Variants in NUDT18 observed in about 807,000 individuals in gnomAD.
The protein encoded by NUDT18 is 8-oxo-dGDP phosphatase NUDT18.
NUDT18 carries 26 observed loss-of-function variants against 27.6 expected under a neutral mutation model. The observed-to-expected ratio is 0.94, with a 90% CI of 0.69 to 1.31. The LOEUF (loss-of-function observed/expected upper bound fraction) is 1.31. Among genes scored for constraint, NUDT18 ranks in the 50% most tolerant of loss-of-function variants. The pLI is 0.00. For missense variants in NUDT18, 450 were observed against 433.4 expected, an observed-to-expected ratio of 1.04 and a Z score of -0.34; for synonymous variants, 220 against 196.9, an observed-to-expected ratio of 1.12 and a Z score of -0.98.
chr8:22,109,769 C>A (rs1216422985), upstream of NUDT18: 1 of 455,982 alleles, frequency 2.2e-6, no homozygotes, highest in Admixed American at 2.4e-5. Flanking sequence ...CCGGTGACGT[C>A]ACGGAGGCCC....
Position 22,109,392 on chromosome 8 carries a change from C to CTGCGGAGCCCGCTCCCAGTCCA in NUDT18, c.-93_-92insTGGACTGGGAGCGGGCTCCGCA. On this transcript the variant is annotated 5_prime_UTR_variant, in exon 1 of 3. It adds an upstream start codon to the 5' untranslated region. Coordinates refer to ENST00000611621, the MANE Select transcript of NUDT18 (RefSeq NM_024815.4). ...GCGCTGCGGAGCCCGCTCCCAGTCCCTGCGGCAGCGGGCCGGGAGCTCACG... is the reference window on the plus strand; with the variant it reads ...GCGCTGCGGAGCCCGCTCCCAGTCCCTGCGGAGCCCGCTCCCAGTCCATGCGGCAGCGGGCCGGGAGCTCACG... 8.1e-7 allele frequency: 1 copy of CTGCGGAGCCCGCTCCCAGTCCA among 1,227,770 alleles called. No individual in the cohort carries two copies. Among genetic ancestry groups the CTGCGGAGCCCGCTCCCAGTCCA allele is most frequent in the Non-Finnish European group, 1.0e-6 (1 of 954,116 alleles). The allele number at this position is 1,227,770 out of a possible 1,614,324, so 76.1% of individuals were successfully genotyped here. A position where few individuals can be genotyped will look rare whatever the true frequency, so the allele number is the denominator to read the frequency against.
In NUDT18 at chr8:22,107,901, G is replaced by A; in HGVS notation, c.377-6C>T. On this transcript the variant is annotated splice_region_variant and splice_polypyrimidine_tract_variant and intron_variant, in intron 2 of 2. Coordinates refer to ENST00000611621, the MANE Select transcript of NUDT18 (RefSeq NM_024815.4). Reference sequence around the variant, plus strand: ...GGAAGTCTTGAGAATTCCACCTGGGGGAGATGTGGGGGATGGGGCAGGGAG... The same window carrying A: ...GGAAGTCTTGAGAATTCCACCTGGGAGAGATGTGGGGGATGGGGCAGGGAG... 6.4e-7 allele frequency: 1 copy of A among 1,563,782 alleles called. No homozygotes were observed. Among genetic ancestry groups the A allele is most frequent in the Non-Finnish European group, 8.7e-7 (1 of 1,151,924 alleles).
At chr8:22,109,931 C>G (rs1042565760), upstream of NUDT18, 9 of 327,342 alleles carry the variant, frequency 2.7e-5, no homozygotes, top group Non-Finnish European at 5.5e-5. Flanking sequence ...AAACCCCTGC[C>G]TTGAAGGAGA....
intron 1 of NUDT18, 95 bp from the exon 2 acceptor site, chr8:22,108,441 G>A: frequency 8.9e-7 from 1 of 1,120,782 alleles, no homozygotes; most frequent in Non-Finnish European, 1.3e-6. Context: ...ACTCCCCTCT[G>A]GGTGGACACT....
In NUDT18 at chr8:22,109,158, G is replaced by C; in HGVS notation, c.143C>G (p.Ala48Gly). The C allele has an allele frequency of 6.9e-6, 10 of 1,452,524 alleles. No homozygotes were observed. Among genetic ancestry groups the C allele is most frequent in the Non-Finnish European group, 9.0e-6 (10 of 1,113,860 alleles). The allele number at this position is 1,452,524 out of a possible 1,614,324, so 90.0% of individuals were successfully genotyped here. ...LRKNVCYVVL[A>G]VFLSEQDEVL... ...GCTCACCTGCTCGCTGAGGAACACG[G>C]CCAGCACCACGTAGCACACGTTCTT... The change falls in exon 1 of 3, where the codon GCC (alanine) becomes GGC (glycine). Residue 48 changes from alanine (A) to glycine (G), a missense_variant. Transcript: ENST00000611621.
At position 22,107,262 on chromosome 8, in the gene NUDT18, G is replaced by C. The variant is rs1226226415; in HGVS notation, c.*38C>G. On this transcript the variant is annotated 3_prime_UTR_variant, in exon 3 of 3. Transcript: ENST00000611621. Reference sequence around the variant, plus strand: ...GGGAGACAAGTCCGCACTGGAGGGAGCACGGCTGCCTAGCTCCCTGTCACC... The same window carrying C: ...GGGAGACAAGTCCGCACTGGAGGGACCACGGCTGCCTAGCTCCCTGTCACC... The C allele has an allele frequency of 1.8e-5, 26 of 1,477,964 alleles. No homozygotes were observed. Among genetic ancestry groups the C allele is most frequent in the Non-Finnish European group, 2.4e-5 (26 of 1,094,584 alleles). The allele number at this position is 1,477,964 out of a possible 1,614,324, so 91.6% of individuals were successfully genotyped here. A position where few individuals can be genotyped will look rare whatever the true frequency, so the allele number is the denominator to read the frequency against.
rs1826426199 is a variant in NUDT18 at position 22,109,358 on chromosome 8, G to A, written c.-58C>T. The stretch of plus-strand genomic sequence containing the variant: ...CGCAGACCGACTGAGCCGAGCCGCG[G>A]GCTAGAGTGCGCTGCGGAGCCCGCT... On this transcript the variant is annotated 5_prime_UTR_variant, in exon 1 of 3. Coordinates refer to ENST00000611621, the MANE Select transcript of NUDT18 (RefSeq NM_024815.4). The A allele has an allele frequency of 1.5e-6, 1 of 665,460 alleles. No individual in the cohort carries two copies. The highest frequency in any genetic ancestry group is 6.6e-4 in the Middle Eastern group (1 of 1,510). 41.2% of individuals were successfully genotyped at this position (665,460 alleles called of 1,614,324 possible).
Position 22,109,325 on chromosome 8 carries a change from C to G in NUDT18, c.-25G>C, listed in dbSNP as rs371618895. 3.0e-6 allele frequency: 4 copies of G among 1,329,750 alleles called. No individual in the cohort carries two copies. The highest frequency in any genetic ancestry group is 2.9e-6 in the Non-Finnish European group (3 of 1,049,722). The allele number at this position is 1,329,750 out of a possible 1,614,324, so 82.4% of individuals were successfully genotyped here. A position where few individuals can be genotyped will look rare whatever the true frequency, so the allele number is the denominator to read the frequency against. On this transcript the variant is annotated 5_prime_UTR_variant, in exon 1 of 3. Transcript: ENST00000611621. ...TCGGGTCCCCCGGGGGGCGGCGGGC[C>G]GGATCCTCGCAGACCGACTGAGCCG...
In NUDT18 at chr8:22,107,866, C is replaced by CG. The variant is rs1826395539; in HGVS notation, c.405dup (p.Asp136ArgfsTer23). 1 of 1,594,298 alleles carries CG rather than the reference C, an allele frequency of 6.3e-7. No homozygotes were observed. Among genetic ancestry groups the CG allele is most frequent in the African/African-American group, 1.3e-5 (1 of 74,664 alleles). On this transcript the variant is annotated frameshift_variant, in exon 3 of 3. Transcript: ENST00000611621. LOFTEE classifies it high-confidence loss of function. The stretch of plus-strand genomic sequence containing the variant: ...CAGGCAGCCTGCAGGGACTCCGCAT[C>CG]GGCCTCCTTGGAAGTCTTGAGAATT...
Position 22,109,251 on chromosome 8 carries a change from T to C in NUDT18, c.50A>G (p.Gln17Arg), listed in dbSNP as rs1159807319. 4.2e-6 allele frequency: 6 copies of C among 1,415,380 alleles called. No individual in the cohort carries two copies. In the South Asian group the frequency reaches 8.8e-5, roughly 21 times the overall value. The allele number at this position is 1,415,380 out of a possible 1,614,324, so 87.7% of individuals were successfully genotyped here. ...GTCGCAGCTGTGCACGCTGGACCCC[T>C]GGCCAGCCAGCACGGAAGCCAGCGC... ...AGALASVLAG[Q>R]GSSVHSCDSA... Residue 17 changes from glutamine to arginine, a missense_variant, in exon 1 of 3, where the codon CAG becomes CGG. Physicochemically the swap from Gln to Arg is conservative, Grantham distance 43. Transcript: ENST00000611621.
chr8:22,109,830 G>T (rs1176990443), upstream of NUDT18: 2 of 441,424 alleles, frequency 4.5e-6, no homozygotes, highest in Admixed American at 2.5e-5. Context: ...ACACACAATG[G>T]CATTGCCGGA....
rs947701711 is a variant in NUDT18 at position 22,106,930 on chromosome 8, C to T, written c.*370G>A. The T allele has an allele frequency of 5.3e-6, 1 of 189,276 alleles. No homozygotes were observed. The highest frequency in any genetic ancestry group is 2.3e-5 in the African/African-American group (1 of 42,770). 11.7% of individuals were successfully genotyped at this position (189,276 alleles called of 1,614,324 possible). A position where few individuals can be genotyped will look rare whatever the true frequency, so the allele number is the denominator to read the frequency against. On this transcript the variant is annotated 3_prime_UTR_variant, in exon 3 of 3. Transcript: ENST00000611621. The stretch of plus-strand genomic sequence containing the variant: ...TGCTCCTCCCTCGGGGGACCTTCCC[C>T]AGTGCCCCTCCATGCTCGAAGGGCC...
At position 22,109,369 on chromosome 8, in the gene NUDT18, G is replaced by GCTGCGGAGTCCGCTCCCAGTCC; in HGVS notation, c.-70_-69insGGACTGGGAGCGGACTCCGCAG. ...TGAGCCGAGCCGCGGGCTAGAGTGC[G>GCTGCGGAGTCCGCTCCCAGTCC]CTGCGGAGCCCGCTCCCAGTCCCTG... On this transcript the variant is annotated 5_prime_UTR_variant, in exon 1 of 3. Transcript: ENST00000611621. The GCTGCGGAGTCCGCTCCCAGTCC allele has an allele frequency of 1.4e-6, 1 of 712,744 alleles. No homozygotes were observed. The highest frequency in any genetic ancestry group is 1.8e-6 in the Non-Finnish European group (1 of 557,184). The allele number at this position is 712,744 out of a possible 1,614,324, so 44.2% of individuals were successfully genotyped here.
At position 22,109,403 on chromosome 8, in the gene NUDT18, G is replaced by C. The variant is rs982181936; in HGVS notation, c.-103C>G. ...CCCGCTCCCAGTCCCTGCGGCAGCG[G>C]GCCGGGAGCTCACGAGAACGCGGAA... On this transcript the variant is annotated 5_prime_UTR_variant, in exon 1 of 3. Coordinates refer to ENST00000611621, the MANE Select transcript of NUDT18 (RefSeq NM_024815.4). 63 of 1,137,902 alleles carry C rather than the reference G, an allele frequency of 5.5e-5. No homozygotes were observed. The highest frequency in any genetic ancestry group is 6.8e-5 in the Non-Finnish European group (59 of 869,658). 70.5% of individuals were successfully genotyped at this position (1,137,902 alleles called of 1,614,324 possible). A position where few individuals can be genotyped will look rare whatever the true frequency, so the allele number is the denominator to read the frequency against.
At chr8:22,109,530 G>C (rs2131742479), upstream of NUDT18, 2 of 463,802 alleles carry the variant, frequency 4.3e-6, no homozygotes, top group South Asian at 2.5e-5. Context: ...CACCGAGGGG[G>C]CGGGGCCGCC....
chr8:22,108,716 T>C (rs1372614566), intron 1 of NUDT18, among the ~76,000 whole-genome samples: 1 of 152,194 alleles, frequency 6.6e-6, no homozygotes, highest in African/African-American at 2.4e-5. Context: ...CTGTGATGGG[T>C]CCTCACACTG....
rs1826375839 is a variant in NUDT18 at position 22,107,032 on chromosome 8, G to A, written c.*268C>T. 2.3e-6 allele frequency: 1 copy of A among 431,190 alleles called. No homozygotes were observed. Among genetic ancestry groups the A allele is most frequent in the Non-Finnish European group, 4.2e-6 (1 of 239,058 alleles). The allele number at this position is 431,190 out of a possible 1,614,324, so 26.7% of individuals were successfully genotyped here. A position where few individuals can be genotyped will look rare whatever the true frequency, so the allele number is the denominator to read the frequency against. ...GGAGATGCCACTGGGGGTGCAGAAA[G>A]CTCCCCATCCCCCTGGGAAGAGGCG... On this transcript the variant is annotated 3_prime_UTR_variant, in exon 3 of 3. Coordinates refer to ENST00000611621, the MANE Select transcript of NUDT18 (RefSeq NM_024815.4).
chr8:22,107,908 TG>T lies in NUDT18; in HGVS notation c.377-14del. 1 of 1,554,352 alleles carries T rather than the reference TG, an allele frequency of 6.4e-7. No individual in the cohort carries two copies. The highest frequency in any genetic ancestry group is 8.7e-7 in the Non-Finnish European group (1 of 1,145,630). Reference sequence around the variant, plus strand: ...TTGAGAATTCCACCTGGGGGAGATGTGGGGGATGGGGCAGGGAGGGTCTGTG... The same window carrying T: ...TTGAGAATTCCACCTGGGGGAGATGTGGGGATGGGGCAGGGAGGGTCTGTG... On this transcript the variant is annotated splice_polypyrimidine_tract_variant and intron_variant, in intron 2 of 2. Transcript: ENST00000611621.
At position 22,107,750 on chromosome 8, in the gene NUDT18, C is replaced by T; in HGVS notation, c.522G>A (p.Arg174=). 3 of 1,613,640 alleles carry T rather than the reference C, an allele frequency of 1.9e-6. No homozygotes were observed. Among genetic ancestry groups the T allele is most frequent in the South Asian group, 1.1e-5 (1 of 91,072 alleles). Reference sequence around the variant, plus strand: ...GCTCTTGGGGCAGAATGAGAGGGTGCCTGGCTTGCTGGCGATACTGGGCGG... The same window carrying T: ...GCTCTTGGGGCAGAATGAGAGGGTGTCTGGCTTGCTGGCGATACTGGGCGG... The part of the protein sequence containing the change: ...ELAAQYRQQA[R]HPLILPQELP... The change falls in exon 3 of 3, where the codon AGG becomes AGA. Residue 174 remains arginine (R), a synonymous_variant. Coordinates refer to ENST00000611621, the MANE Select transcript of NUDT18 (RefSeq NM_024815.4).
Sources: allele counts gnomAD v4.1 joint callset (sites outside exome capture counted in the v4.1 genomes callset), GRCh38; gene constraint gnomAD v4.1.1; transcripts MANE v1.5; gene names NCBI Gene and HGNC (gene_info 2026-07-23, HGNC 2026-07-21).